The following GTSE1 variants were observed in gnomAD, a reference collection of about 807,000 sequenced individuals.
GTSE1 encodes the protein G2 and S-phase expressed 1.
In GTSE1, 52 loss-of-function variants were observed where a neutral mutation model predicts 60.5. The observed-to-expected ratio is 0.86, with a 90% CI of 0.69 to 1.08. The LOEUF (loss-of-function observed/expected upper bound fraction) is 1.08, where lower values mean the gene tolerates loss of function less well. Ranked by LOEUF, GTSE1 falls within the 50% of genes least tolerant of loss-of-function variation. GTSE1 has a pLI of 0.00. For missense variants in GTSE1, 937 were observed against 961.8 expected, an observed-to-expected ratio of 0.97 and a Z score of 0.34; for synonymous variants, 368 against 386.5, an observed-to-expected ratio of 0.95 and a Z score of 0.56.
At position 46,324,079 on chromosome 22, in the gene GTSE1, C is replaced by A. The variant is rs1323455733; in HGVS notation, c.1505+817C>A. On this transcript the variant is annotated intron_variant, in intron 8 of 11. Coordinates refer to ENST00000454366, the MANE Select transcript of GTSE1 (RefSeq NM_016426.7). The surrounding 1 kb of genome is among the most constrained non-coding windows in gnomAD (Gnocchi z 5.2). ...ATGTTGCTGACCTTTTTCCTCACGT[C>A]AAGTAGGGATGGCCCAAGCTCAGCT... 6.6e-6 allele frequency among the ~76,000 whole-genome samples: 1 copy of A among 152,180 alleles called. No individual in the cohort carries two copies. The highest frequency in any genetic ancestry group is 1.5e-5 in the Non-Finnish European group (1 of 68,036).
intron 7 of GTSE1, 114 bp from the exon 8 acceptor site, chr22:46,323,076 T>A: frequency 1.3e-6 from 1 of 775,776 alleles, no homozygotes; most frequent in Non-Finnish European, 2.4e-6. Flanking sequence ...CCACCTACAC[T>A]CAAGTTGGGA....
chr22:46,297,247 G>C lies in GTSE1; in HGVS notation c.-21-133G>C. The C allele has an allele frequency of 1.5e-6, 1 of 646,228 alleles. No individual in the cohort carries two copies. Among genetic ancestry groups the C allele is most frequent in the South Asian group, 1.7e-5 (1 of 58,068 alleles). The allele number at this position is 646,228 out of a possible 1,614,324, so 40.0% of individuals were successfully genotyped here. A position where few individuals can be genotyped will look rare whatever the true frequency, so the allele number is the denominator to read the frequency against. Reference sequence around the variant, plus strand: ...CCCTGGGATGCGATCATTTCAGAGCGGCCCCCGCGCCGCCTCTCCCAGACC... The same window carrying C: ...CCCTGGGATGCGATCATTTCAGAGCCGCCCCCGCGCCGCCTCTCCCAGACC... On this transcript the variant is annotated intron_variant, in intron 1 of 11. Coordinates refer to ENST00000454366, the MANE Select transcript of GTSE1 (RefSeq NM_016426.7). This position sits in a 1 kb window ranked among gnomAD's most constrained non-coding sequence, Gnocchi z 4.9.
chr22:46,324,175 G>A lies in GTSE1; in HGVS notation c.1505+913G>A, dbSNP rs1051637074. Among the ~76,000 whole-genome samples the A allele has an allele frequency of 2.0e-5, 3 of 152,030 alleles. No individual in the cohort carries two copies. The highest frequency in any genetic ancestry group is 6.5e-5 in the Admixed American group (1 of 15,270). On this transcript the variant is annotated intron_variant, in intron 8 of 11. Transcript: ENST00000454366. This position sits in a 1 kb window ranked among gnomAD's most constrained non-coding sequence, Gnocchi z 5.2. Reference sequence around the variant, plus strand: ...CCTGTGTGAGCTTGAGACACGCTTCGCGAGGTCGAACTAGCCAGTCCCTCA... The same window carrying A: ...CCTGTGTGAGCTTGAGACACGCTTCACGAGGTCGAACTAGCCAGTCCCTCA...
rs937855342 is a variant in GTSE1, at chr22:46,313,726, C to G, written c.928-164C>G. Among the ~76,000 whole-genome samples the G allele has an allele frequency of 5.9e-5, 9 of 152,218 alleles. No homozygotes were observed. The highest frequency in any genetic ancestry group is 7.3e-5 in the Non-Finnish European group (5 of 68,048). On this transcript the variant is annotated intron_variant, in intron 5 of 11. Coordinates refer to ENST00000454366, the MANE Select transcript of GTSE1 (RefSeq NM_016426.7). The surrounding 1 kb of genome is among the most constrained non-coding windows in gnomAD (Gnocchi z 4.4). ...GTTTCACCATATTGGCCAGGCTGGT[C>G]TCAAACTCCTGACCTTGTGATCCTC...
Position 46,309,906 on chromosome 22 carries a change from C to T in GTSE1, c.762+963C>T, listed in dbSNP as rs929639437. Among the ~76,000 whole-genome samples the T allele has an allele frequency of 2.6e-5, 4 of 152,158 alleles. No individual in the cohort carries two copies. The highest frequency in any genetic ancestry group is 3.9e-4 in the East Asian group (2 of 5,194). ...CTGCTGTGTGGAGCACACGTGGACT[C>T]GGGACAGGGATTGTGCATGTAGCAC... On this transcript the variant is annotated intron_variant, in intron 4 of 11. Coordinates refer to ENST00000454366, the MANE Select transcript of GTSE1 (RefSeq NM_016426.7). The surrounding 1 kb of genome is among the most constrained non-coding windows in gnomAD (Gnocchi z 6.2).
At chr22:46,299,334 C>T (rs2077675922) in intron 2 of GTSE1, among the ~76,000 whole-genome samples, 1 of 152,240 alleles carries the variant, frequency 6.6e-6, no homozygotes, top group South Asian at 2.1e-4. Flanking sequence ...TCTGCGGCAC[C>T]CACGTTTTGT....
Position 46,308,146 on chromosome 22 carries a change from C to G in GTSE1, c.80-4C>G, listed in dbSNP as rs777984642. 1.2e-6 allele frequency: 2 copies of G among 1,603,448 alleles called. No homozygotes were observed. Among genetic ancestry groups the G allele is most frequent in the Admixed American group, 3.3e-5 (2 of 59,974 alleles). ...TAAAATAACAGTGGATTTTTTCCCT[C>G]TAGACATTCTTCTTTTGGCCGATGA... is the stretch of plus-strand genomic sequence containing the variant. On this transcript the variant is annotated splice_region_variant and splice_polypyrimidine_tract_variant and intron_variant, in intron 2 of 11. Coordinates refer to ENST00000454366, the MANE Select transcript of GTSE1 (RefSeq NM_016426.7).
chr22:46,298,148 A>G (rs767322167), intron 2 of GTSE1, among the ~76,000 whole-genome samples: 1 of 150,626 alleles, frequency 6.6e-6, no homozygotes, highest in Non-Finnish European at 1.5e-5. Flanking sequence ...TTTTTAACAG[A>G]GACGGGGTTT....
At chr22:46,300,252 C>T (rs1251519037) in intron 2 of GTSE1, among the ~76,000 whole-genome samples, 4 of 151,986 alleles carry the variant, frequency 2.6e-5, no homozygotes, top group Non-Finnish European at 4.4e-5. Flanking sequence ...CATGAGCCAC[C>T]GTGCCCAGCT....
intron 8 of GTSE1, among the ~76,000 whole-genome samples, chr22:46,326,023 G>T (rs1301629042): frequency 6.6e-6 from 1 of 152,268 alleles, no homozygotes; most frequent in South Asian, 2.1e-4. Context: ...TCCCCCATTC[G>T]CTGGCCCACC....
At chr22:46,301,156 A>G (rs544330702) in intron 2 of GTSE1, among the ~76,000 whole-genome samples, 7 of 152,194 alleles carry the variant, frequency 4.6e-5, no homozygotes, top group Non-Finnish European at 1.0e-4. Context: ...GTGGGTGAAC[A>G]TTTAGTTTGT....
intron 2 of GTSE1, among the ~76,000 whole-genome samples, chr22:46,299,402 G>A (rs1430536355): frequency 6.6e-6 from 1 of 152,206 alleles, no homozygotes; most frequent in African/African-American, 2.4e-5. Flanking sequence ...CCTATTTGGC[G>A]TCTTCACATG....
Position 46,308,953 on chromosome 22 carries a change from A to G in GTSE1, c.762+10A>G. 1 of 1,598,848 alleles carries G rather than the reference A, an allele frequency of 6.3e-7. No homozygotes were observed. The highest frequency in any genetic ancestry group is 8.5e-7 in the Non-Finnish European group (1 of 1,171,482). On this transcript the variant is annotated intron_variant, in intron 4 of 11. Coordinates refer to ENST00000454366, the MANE Select transcript of GTSE1 (RefSeq NM_016426.7). The stretch of plus-strand genomic sequence containing the variant: ...TGGGGCTGCGGAGAAGGTAAATGCC[A>G]CAGCAGAGCGCCTGCCTGGGGAGCC...
At chr22:46,301,021 T>C (rs1569035512) in intron 2 of GTSE1, among the ~76,000 whole-genome samples, 3 of 152,234 alleles carry the variant, frequency 2.0e-5, no homozygotes, top group Admixed American at 2.0e-4. Flanking sequence ...AGCCCTGTCC[T>C]GAATCTTGTT....
chr22:46,302,243 A>G (rs1371778436), intron 2 of GTSE1, among the ~76,000 whole-genome samples: 1 of 152,092 alleles, frequency 6.6e-6, no homozygotes, highest in Non-Finnish European at 1.5e-5. Flanking sequence ...TACTTTATAG[A>G]TATGCTTCAT....
rs753736774 is a variant in GTSE1 at position 46,316,022 on chromosome 22, T to C, written c.1052-10T>C. The C allele has an allele frequency of 2.0e-6, 3 of 1,476,628 alleles. No individual in the cohort carries two copies. The highest frequency in any genetic ancestry group is 4.7e-5 in the Admixed American group (2 of 42,218). The allele number at this position is 1,476,628 out of a possible 1,614,324, so 91.5% of individuals were successfully genotyped here. ...TATAATAATGTGATTTTTGTGTGTA[T>C]ACCTTCTAGCTAAATCAAGTGAATT... On this transcript the variant is annotated splice_polypyrimidine_tract_variant and intron_variant, in intron 6 of 11. Transcript: ENST00000454366. This position sits in a 1 kb window ranked among gnomAD's most constrained non-coding sequence, Gnocchi z 5.0.
At chr22:46,323,089 G>C (rs2077822757) in intron 7 of GTSE1, 101 bp from the exon 8 acceptor site, 1 of 817,242 alleles carries the variant, frequency 1.2e-6, no homozygotes, top group African/African-American at 1.7e-5. Context: ...AGTTGGGACA[G>C]TGGAGATACT....
rs1367108302 is a variant in GTSE1, at chr22:46,310,478, A to G, written c.762+1535A>G. 6.6e-6 allele frequency among the ~76,000 whole-genome samples: 1 copy of G among 152,214 alleles called. No homozygotes were observed. The highest frequency in any genetic ancestry group is 1.5e-5 in the Non-Finnish European group (1 of 68,030). On this transcript the variant is annotated intron_variant, in intron 4 of 11. Transcript: ENST00000454366. This position sits in a 1 kb window ranked among gnomAD's most constrained non-coding sequence, Gnocchi z 4.4. ...CCACTCCTTAGTACACAGACCTGAG[A>G]GAATTGAAACCATATCCACAGAAAA...
chr22:46,298,651 G>C (rs1009776555), intron 2 of GTSE1, among the ~76,000 whole-genome samples: 1 of 152,172 alleles, frequency 6.6e-6, no homozygotes, highest in Non-Finnish European at 1.5e-5. Context: ...CTGTCCTGGA[G>C]ACTTTACAAA....
Sources: allele counts gnomAD v4.1 joint callset (sites outside exome capture counted in the v4.1 genomes callset), GRCh38; gene constraint gnomAD v4.1.1; non-coding constraint Gnocchi (gnomAD v3.1); transcripts MANE v1.5; gene names NCBI Gene and HGNC (gene_info 2026-07-23, HGNC 2026-07-21).